TMTC2: variants seen among roughly 807,000 people sequenced by gnomAD.
TMTC2 encodes protein O-mannosyl-transferase TMTC2.
TMTC2 carries 43 observed loss-of-function variants against 82.4 expected under a neutral mutation model. The observed-to-expected ratio is 0.52, with a 90% CI of 0.41 to 0.67. The LOEUF is 0.67. Ranked by LOEUF, TMTC2 falls within the 30% of genes least tolerant of loss-of-function variation. The pLI is 0.00. For synonymous variants in TMTC2, 408 were observed against 381.9 expected (o/e 1.07, Z -0.80); for missense variants, 919 against 1,012.4 (o/e 0.91, Z 1.25).
intron 1 of TMTC2, among the ~76,000 whole-genome samples, chr12:82,823,431 C>T (rs1228398895): frequency 6.6e-6 from 1 of 152,182 alleles, no homozygotes; most frequent in African/African-American, 2.4e-5. Flanking sequence ...TCATAATTCA[C>T]CTGCCAGGTA....
intron 11 of TMTC2, among the ~76,000 whole-genome samples, chr12:83,072,271 C>T (rs1267916715): frequency 6.6e-6 from 1 of 152,162 alleles, no homozygotes; most frequent in East Asian, 1.9e-4. Context: ...ACCCAGTGCT[C>T]ATTCAGGAGC....
chr12:83,122,870 T>G (rs1332196814), intron 11 of TMTC2, among the ~76,000 whole-genome samples: 1 of 152,184 alleles, frequency 6.6e-6, no homozygotes, highest in Non-Finnish European at 1.5e-5. Flanking sequence ...GTTCTCTAGG[T>G]TTTGCATTTG....
At chr12:83,112,519 T>C (rs564758588) in intron 11 of TMTC2, among the ~76,000 whole-genome samples, 2 of 152,230 alleles carry the variant, frequency 1.3e-5, no homozygotes, top group Non-Finnish European at 2.9e-5. Flanking sequence ...TTAATTTCCA[T>C]CAGCCATTTC....
In TMTC2 at chr12:82,742,558, C is replaced by T. The variant is rs181130382; in HGVS notation, c.83+54889C>T. Among the ~76,000 whole-genome samples the T allele has an allele frequency of 2.5e-4, 38 of 150,406 alleles. No homozygotes were observed. In the East Asian group the frequency reaches 3.7e-3, roughly 15 times the overall value. ...TTTTAAGGTGGAGTTTCACTCTTGTCGCCCAGGCTGTAGTGCAATGGCGCA... is the reference window on the plus strand; with the variant it reads ...TTTTAAGGTGGAGTTTCACTCTTGTTGCCCAGGCTGTAGTGCAATGGCGCA... On this transcript the variant is annotated intron_variant, in intron 1 of 11. Coordinates refer to ENST00000321196, the MANE Select transcript of TMTC2 (RefSeq NM_152588.3).
chr12:82,847,940 TATA>T (rs1870779186), intron 1 of TMTC2, among the ~76,000 whole-genome samples: 1 of 152,082 alleles, frequency 6.6e-6, no homozygotes, highest in African/African-American at 2.4e-5. Context: ...GAACTTAAAG[TATA>T]ATAATAATTT....
At chr12:83,081,921 A>G (rs1446644637) in intron 11 of TMTC2, among the ~76,000 whole-genome samples, 1 of 152,086 alleles carries the variant, frequency 6.6e-6, no homozygotes, top group Non-Finnish European at 1.5e-5. Flanking sequence ...GTTAGAGGGT[A>G]CAGTGAACTA....
chr12:82,718,809 TA>T (rs201442731), intron 1 of TMTC2, among the ~76,000 whole-genome samples: 15,403 of 151,974 alleles, frequency 0.1, 901 homozygotes, highest in East Asian at 0.23. Context: ...TAGTATACCA[TA>T]GGAAAATAGG....
At chr12:83,037,408 AAAT>A (rs1324760892) in intron 9 of TMTC2, among the ~76,000 whole-genome samples, 2 of 152,204 alleles carry the variant, frequency 1.3e-5, no homozygotes, top group Non-Finnish European at 2.9e-5. Context: ...ATAATGAACC[AAAT>A]AATATTGCCT....
At chr12:82,743,531 TTATTAA>T (rs2136956542) in intron 1 of TMTC2, among the ~76,000 whole-genome samples, 1 of 152,238 alleles carries the variant, frequency 6.6e-6, no homozygotes, top group East Asian at 1.9e-4. Context: ...AAATAATTTA[TTATTAA>T]TATTATTATT....
intron 3 of TMTC2, among the ~76,000 whole-genome samples, chr12:82,912,017 G>A (rs930181651): frequency 5.9e-5 from 9 of 152,238 alleles, no homozygotes; most frequent in Admixed American, 2.0e-4. Flanking sequence ...TGTATTTAAG[G>A]ATTCTAATTC....
intron 1 of TMTC2, among the ~76,000 whole-genome samples, chr12:82,840,109 G>A (rs544198404): frequency 2.0e-5 from 3 of 152,312 alleles, no homozygotes; most frequent in Admixed American, 6.5e-5. Flanking sequence ...CCAGGAAGGC[G>A]AGGCAGGTGA....
At chr12:83,089,139 G>A (rs1219355485) in intron 11 of TMTC2, among the ~76,000 whole-genome samples, 4 of 152,056 alleles carry the variant, frequency 2.6e-5, no homozygotes, top group Non-Finnish European at 2.9e-5. Context: ...GTCAAATATC[G>A]GTCATCATGG....
intron 9 of TMTC2, among the ~76,000 whole-genome samples, chr12:83,044,462 T>C (rs571572819): frequency 1.1e-4 from 16 of 152,236 alleles, no homozygotes; most frequent in African/African-American, 3.6e-4. Flanking sequence ...TAAGGGTTCT[T>C]GAATCAGCTG....
chr12:83,024,079 A>C lies in TMTC2; in HGVS notation c.2071-6719A>C, dbSNP rs138269422. 1.4e-3 allele frequency among the ~76,000 whole-genome samples: 207 copies of C among 152,324 alleles called. 1 individual carries two copies. The highest frequency in any genetic ancestry group is 4.6e-3 in the African/African-American group (191 of 41,580). On this transcript the variant is annotated intron_variant, in intron 8 of 11. Coordinates refer to ENST00000321196, the MANE Select transcript of TMTC2 (RefSeq NM_152588.3). ...ACATCAATGTATTGTATAGTTCAGA[A>C]GAGCTAGAAGAGAGGATTTGAAATG...
chr12:82,790,595 G>A (rs563500590), intron 1 of TMTC2, among the ~76,000 whole-genome samples: 6 of 152,024 alleles, frequency 3.9e-5, no homozygotes, highest in South Asian at 2.1e-4. Flanking sequence ...CTGGGAGGCC[G>A]AGGTGGGAGG....
At chr12:82,994,766 A>G (rs1310513438) in intron 8 of TMTC2, among the ~76,000 whole-genome samples, 1 of 152,134 alleles carries the variant, frequency 6.6e-6, no homozygotes, top group Admixed American at 6.6e-5. Flanking sequence ...GCCTCCGTGT[A>G]TTTTATTTAG....
At chr12:82,940,244 G>A (rs560675563) in intron 4 of TMTC2, among the ~76,000 whole-genome samples, 130 of 151,510 alleles carry the variant, frequency 8.6e-4, no homozygotes, top group African/African-American at 2.9e-3. Context: ...CTCGAACTCC[G>A]GACCTCAGGT....
chr12:82,936,992 C>G (rs1876355511), intron 4 of TMTC2, among the ~76,000 whole-genome samples: 1 of 152,220 alleles, frequency 6.6e-6, no homozygotes, highest in East Asian at 1.9e-4. Flanking sequence ...ATTCTTTGAA[C>G]TATGTAAGTA....
chr12:82,981,066 T>C (rs1878893634), intron 7 of TMTC2, among the ~76,000 whole-genome samples: 1 of 151,920 alleles, frequency 6.6e-6, no homozygotes, highest in Admixed American at 6.6e-5. Context: ...TATGCATTGT[T>C]CGTGTTGGTT....
Sources: allele counts gnomAD v4.1 joint callset (sites outside exome capture counted in the v4.1 genomes callset), GRCh38; gene constraint gnomAD v4.1.1; transcripts MANE v1.5; gene names NCBI Gene and HGNC (gene_info 2026-07-23, HGNC 2026-07-21).